Variants in CDYL2 observed in about 807,000 individuals in gnomAD.
CDYL2 encodes the protein chromodomain Y like 2, also known as chromodomain Y-like protein 2.
A neutral mutation model predicts 49.4 loss-of-function variants in CDYL2; 23 were observed. The ratio of observed to expected loss-of-function variants is 0.47; its 90% CI spans 0.34 to 0.66. The LOEUF (loss-of-function observed/expected upper bound fraction) is 0.66. Among genes scored for constraint, CDYL2 ranks in the 30% least tolerant of loss-of-function variants. The probability of loss-of-function intolerance (pLI) is 0.01; values close to 1 mark genes in which losing one functional copy is unlikely to be tolerated. For missense variants in CDYL2, 678 were observed against 656.4 expected (o/e 1.03, Z -0.36); for synonymous variants, 360 against 268.8 (o/e 1.34, Z -3.32).
chr16:80,613,688 G>A (rs961635468), intron 4 of CDYL2, among the ~76,000 whole-genome samples: 3 of 152,188 alleles, frequency 2.0e-5, no homozygotes, highest in African/African-American at 7.2e-5. Context: ...CTTTGCCTCA[G>A]AAGGCTTTTT....
rs185480273 is a variant in CDYL2 at position 80,759,447 on chromosome 16, T to A, written c.24+44703A>T. Among the ~76,000 whole-genome samples, 3 of 152,210 alleles carry A rather than the reference T, an allele frequency of 2.0e-5. No homozygotes were observed. In the East Asian group the frequency reaches 5.8e-4, roughly 29 times the overall value. ...ACGAACTGAACTCAAATGTGTATTG[T>A]CAGGAAACAAAATGATTGTTAACTA... On this transcript the variant is annotated intron_variant, in intron 1 of 6. Transcript: ENST00000570137.
chr16:80,671,413 C>A (rs1052928526), intron 2 of CDYL2, among the ~76,000 whole-genome samples: 5 of 152,200 alleles, frequency 3.3e-5, no homozygotes, highest in Admixed American at 2.0e-4. Context: ...ACAGGGGGTT[C>A]CCTGCCACCC....
chr16:80,704,100 A>G (rs1232373615), intron 1 of CDYL2, among the ~76,000 whole-genome samples: 1 of 152,222 alleles, frequency 6.6e-6, no homozygotes. Context: ...CTAGGAGGTC[A>G]GTGAGGTACA....
chr16:80,599,352 A>G lies in CDYL2; in HGVS notation c.*5036T>C, dbSNP rs1449780113. 1 of 152,252 alleles carries G rather than the reference A, an allele frequency of 6.6e-6. No homozygotes were observed. Among genetic ancestry groups the G allele is most frequent in the Non-Finnish European group, 1.5e-5 (1 of 68,044 alleles). The allele number at this position is 152,252 out of a possible 1,614,324, so 9.4% of individuals were successfully genotyped here. A position where few individuals can be genotyped will look rare whatever the true frequency, so the allele number is the denominator to read the frequency against. On this transcript the variant is annotated 3_prime_UTR_variant, in exon 7 of 7. Transcript: ENST00000570137. ...GGACTACTTTATGTGGACAACCAAA[A>G]GGAATAATAATTTCTTTTTAAGTCT...
chr16:80,710,359 C>A (rs1904553604), intron 1 of CDYL2, among the ~76,000 whole-genome samples: 1 of 152,166 alleles, frequency 6.6e-6, no homozygotes, highest in Admixed American at 6.5e-5. Flanking sequence ...CCAGCAGTCA[C>A]ATAACAATAT....
chr16:80,750,295 C>A (rs1379340423), intron 1 of CDYL2, among the ~76,000 whole-genome samples: 3 of 149,776 alleles, frequency 2.0e-5, no homozygotes, highest in South Asian at 2.1e-4. Context: ...AAGCAAAAAA[C>A]ACACCCACAA....
At chr16:80,633,486 C>G (rs1907668766) in intron 2 of CDYL2, among the ~76,000 whole-genome samples, 1 of 152,208 alleles carries the variant, frequency 6.6e-6, no homozygotes, top group Non-Finnish European at 1.5e-5. Context: ...CTACTCTCTT[C>G]TCCCATATAT....
intron 2 of CDYL2, among the ~76,000 whole-genome samples, chr16:80,676,961 G>GTC (rs1407459686): frequency 0.012 from 1,376 of 110,400 alleles, 77 homozygotes; most frequent in African/African-American, 0.034. Flanking sequence ...CCAATTCAAT[G>GTC]TATTTTTTTT....
intron 1 of CDYL2, among the ~76,000 whole-genome samples, chr16:80,789,838 C>A (rs1029437182): frequency 6.6e-6 from 1 of 152,080 alleles, no homozygotes; most frequent in Non-Finnish European, 1.5e-5. Context: ...TATGTTCTCA[C>A]TTGTAGATGA....
chr16:80,673,806 T>C (rs541208890), intron 2 of CDYL2, among the ~76,000 whole-genome samples: 1 of 152,314 alleles, frequency 6.6e-6, no homozygotes, highest in East Asian at 1.9e-4. Flanking sequence ...GATTTGGAGA[T>C]GGGAGATTAT....
At chr16:80,615,903 G>A (rs1906806099) in intron 4 of CDYL2, among the ~76,000 whole-genome samples, 1 of 152,110 alleles carries the variant, frequency 6.6e-6, no homozygotes, top group Non-Finnish European at 1.5e-5. Context: ...TCTATCACTG[G>A]GAGCCAAGCA....
At chr16:80,678,631 T>C (rs1217111116) in intron 2 of CDYL2, among the ~76,000 whole-genome samples, 4 of 149,412 alleles carry the variant, frequency 2.7e-5, no homozygotes, top group African/African-American at 9.8e-5. Context: ...GGAGAGGATG[T>C]GGAGAAATAG....
intron 2 of CDYL2, among the ~76,000 whole-genome samples, chr16:80,681,527 G>A (rs1909966934): frequency 6.6e-6 from 1 of 152,144 alleles, no homozygotes; most frequent in Admixed American, 6.5e-5. Flanking sequence ...TCTTGTCCAG[G>A]AACCTCAAAC....
At chr16:80,668,074 A>G (rs143766933) in intron 2 of CDYL2, among the ~76,000 whole-genome samples, 2,244 of 152,376 alleles carry the variant, frequency 0.015, 22 homozygotes, top group Admixed American at 0.026. Flanking sequence ...GACTGGCCCT[A>G]GCCAGGTTTG....
At chr16:80,746,479 T>A (rs188272199) in intron 1 of CDYL2, among the ~76,000 whole-genome samples, 2 of 152,346 alleles carry the variant, frequency 1.3e-5, no homozygotes, top group Non-Finnish European at 2.9e-5. Context: ...TGAGCAATTT[T>A]CCTTGCATCC....
At chr16:80,641,798 A>C (rs979827843) in intron 2 of CDYL2, among the ~76,000 whole-genome samples, 1 of 151,382 alleles carries the variant, frequency 6.6e-6, no homozygotes, top group Non-Finnish European at 1.5e-5. Context: ...CCTAACGCTA[A>C]ATGACGAGTT....
chr16:80,635,386 A>C (rs1907772830), intron 2 of CDYL2, among the ~76,000 whole-genome samples: 1 of 152,232 alleles, frequency 6.6e-6, no homozygotes, highest in Admixed American at 6.5e-5. Context: ...ATACAAAATC[A>C]ACGTGCAAAA....
chr16:80,683,930 G>C (rs575528128), intron 2 of CDYL2, among the ~76,000 whole-genome samples: 1 of 152,182 alleles, frequency 6.6e-6, no homozygotes, highest in African/African-American at 2.4e-5. Context: ...CCCATTCTAA[G>C]GTGTTTTGTG....
chr16:80,735,074 T>A (rs1428558849), intron 1 of CDYL2: 1 of 152,248 alleles, frequency 6.6e-6, no homozygotes, highest in Admixed American at 6.5e-5. Flanking sequence ...GATACTTAGT[T>A]GTTTCTCCCA....
Sources: allele counts gnomAD v4.1 joint callset (sites outside exome capture counted in the v4.1 genomes callset), GRCh38; gene constraint gnomAD v4.1.1; transcripts MANE v1.5; gene names NCBI Gene and HGNC (gene_info 2026-07-23, HGNC 2026-07-21).